Variants in CEP72 observed in about 807,000 individuals in gnomAD.
The protein encoded by CEP72 is centrosomal protein 72.
CEP72 carries 78 observed loss-of-function variants against 65.7 expected under a neutral mutation model. The observed-to-expected ratio is 1.19, with a 90% CI of 0.99 to 1.43. The LOEUF is 1.43. CEP72 is among the 40% of genes most tolerant of loss of function. CEP72 has a pLI of 0.00. For synonymous variants in CEP72, 358 were observed against 351.7 expected, an observed-to-expected ratio of 1.02 and a Z score of -0.20; for missense variants, 914 against 832.9, an observed-to-expected ratio of 1.10 and a Z score of -1.20.
At chr5:654,033 TTGC>T (rs1387335877), downstream of CEP72, among the ~76,000 whole-genome samples, 6 of 136,144 alleles carry the variant, frequency 4.4e-5, no homozygotes, top group Non-Finnish European at 7.9e-5. Flanking sequence ...TAGTGTGCGC[TTGC>T]TGTGTGTGTG....
intron 6 of CEP72, 118 bp from the exon 7 acceptor site, chr5:637,399 C>T (rs1709553): frequency 0.23 from 182,158 of 799,716 alleles, 20,927 homozygotes; most frequent in East Asian, 0.39. Flanking sequence ...TGTAAGTGTG[C>T]GTGTGTGTCC....
rs770604582 is a variant in CEP72 at position 619,110 on chromosome 5, G to C, written c.203G>C (p.Ser68Thr). The change falls in exon 2 of 12, where the codon AGT becomes ACT. Residue 68 changes from serine (S) to threonine (T), a missense_variant. Coordinates refer to ENST00000264935, the MANE Select transcript of CEP72 (RefSeq NM_018140.4). The stretch of plus-strand genomic sequence containing the variant: ...GATCTCTCGCGCAACTCCTTGGTTA[G>C]TCTGGAGGTAAGTTTTAGGTCTCTT... ...SLDLSRNSLV[S>T]LEGIQYLTAL... 6.2e-7 allele frequency: 1 copy of C among 1,611,010 alleles called. No homozygotes were observed. The highest frequency in any genetic ancestry group is 8.5e-7 in the Non-Finnish European group (1 of 1,177,886).
chr5:664,652 G>A (rs576714223), intron 2 of CEP72: 10 of 169,254 alleles, frequency 5.9e-5, no homozygotes, highest in Non-Finnish European at 1.1e-4. Context: ...CACCTCCCAC[G>A]TCCGGTGTGG....
the CEP72 span, among the ~76,000 whole-genome samples, chr5:674,742 C>A: frequency 6.6e-6 from 1 of 151,796 alleles, no homozygotes; most frequent in Non-Finnish European, 1.5e-5. Context: ...CAGGGGATGG[C>A]AGGCTGGTCT....
chr5:649,076 G>A (rs1440367664), intron 11 of CEP72, among the ~76,000 whole-genome samples: 1 of 143,844 alleles, frequency 7.0e-6, no homozygotes, highest in African/African-American at 2.8e-5. Context: ...GGACTGTGAG[G>A]TGTGACTGTG....
downstream of CEP72, among the ~76,000 whole-genome samples, chr5:654,075 C>T (rs886196839): frequency 4.4e-5 from 5 of 113,430 alleles, no homozygotes; most frequent in African/African-American, 7.0e-5. Flanking sequence ...GCTGTGTGTG[C>T]GCCTAGTGTG....
intron 4 of CEP72, 74 bp from the exon 5 acceptor site, chr5:633,695 C>G (rs1399155238): frequency 1.4e-6 from 2 of 1,436,898 alleles, no homozygotes; most frequent in Non-Finnish European, 1.9e-6. Context: ...CAGGAATTTT[C>G]CTTCTCCTGG....
chr5:625,243 C>G (rs929921008), intron 4 of CEP72, among the ~76,000 whole-genome samples: 8 of 152,248 alleles, frequency 5.3e-5, no homozygotes, highest in Non-Finnish European at 1.0e-4. Flanking sequence ...GGGCAGAAAT[C>G]AGTGGACTCT....
downstream of CEP72, among the ~76,000 whole-genome samples, chr5:669,536 C>CCA (rs1358553201): frequency 1.3e-5 from 2 of 152,258 alleles, no homozygotes; most frequent in East Asian, 3.9e-4. Flanking sequence ...TCTTCTATTC[C>CCA]CACCCTGCCC....
downstream of CEP72, among the ~76,000 whole-genome samples, chr5:667,977 CAGAG>C (rs1425324405): frequency 2.1e-5 from 1 of 48,530 alleles, no homozygotes; most frequent in Non-Finnish European, 3.2e-5. Context: ...GACAAGCACA[CAGAG>C]AGGGGGCCGT....
intron 8 of CEP72, among the ~76,000 whole-genome samples, chr5:639,938 G>A (rs1737890948): frequency 6.6e-6 from 1 of 152,222 alleles, no homozygotes; most frequent in African/African-American, 2.4e-5. Context: ...TGCAGTCGCA[G>A]CCCACCTGGA....
At chr5:612,642 C>T (rs1454156457) in intron 1 of CEP72, 199 bp downstream of exon 1, 1 of 984,436 alleles carries the variant, frequency 1.0e-6, no homozygotes, top group Admixed American at 6.2e-5. Flanking sequence ...GGCCCCTGCC[C>T]GCGTTCGGGT....
rs1171734530 is a variant in CEP72, at chr5:647,877, A to G, written c.1739A>G (p.Lys580Arg). The change falls in exon 11 of 12, where the codon AAG becomes AGG. Residue 580 changes from lysine (K) to arginine (R), a missense_variant. Lys to Arg is a conservative substitution (Grantham distance 26). Coordinates refer to ENST00000264935, the MANE Select transcript of CEP72 (RefSeq NM_018140.4). ...ELKQHLEHYDKIQELTQMLQE... is the reference protein window; with the variant it reads ...ELKQHLEHYDRIQELTQMLQE... ...AAGCAGCACCTGGAGCACTACGACA[A>G]GATCCAGGAGCTCACGCAGATGCTG... is the stretch of plus-strand genomic sequence containing the variant. The G allele has an allele frequency of 1.9e-6, 3 of 1,612,662 alleles. No individual in the cohort carries two copies. The highest frequency in any genetic ancestry group is 1.7e-5 in the Admixed American group (1 of 60,014).
chr5:643,879 C>A (rs1004855566), intron 9 of CEP72, among the ~76,000 whole-genome samples: 1 of 152,214 alleles, frequency 6.6e-6, no homozygotes, highest in Non-Finnish European at 1.5e-5. Context: ...AAGGGGGTTC[C>A]TGCAGGGCCA....
downstream of CEP72, among the ~76,000 whole-genome samples, chr5:668,808 G>C (rs1026377677): frequency 6.6e-6 from 1 of 152,254 alleles, no homozygotes; most frequent in African/African-American, 2.4e-5. Context: ...AGACCACAGT[G>C]CTGTGATGTG....
the CEP72 span, chr5:675,927 G>C: frequency 6.6e-6 from 1 of 152,220 alleles, no homozygotes; most frequent in Non-Finnish European, 1.5e-5. Flanking sequence ...AAGCCACAGA[G>C]GAGGTTGGCG....
At chr5:671,565 G>C (rs1021239259), downstream of CEP72, among the ~76,000 whole-genome samples, 1 of 152,246 alleles carries the variant, frequency 6.6e-6, no homozygotes, top group Non-Finnish European at 1.5e-5. Flanking sequence ...GCCAAGCGCA[G>C]GAGACGGGTG....
chr5:664,906 T>G, intron 2 of CEP72: 1 of 612,776 alleles, frequency 1.6e-6, no homozygotes, highest in Non-Finnish European at 2.8e-6. Context: ...GGCCCAAACC[T>G]GGTTTGAGAG....
In CEP72 at chr5:619,042, C is replaced by T. The variant is rs751592218; in HGVS notation, c.135C>T (p.His45=). 6.2e-7 allele frequency: 1 copy of T among 1,612,576 alleles called. No individual in the cohort carries two copies. The highest frequency in any genetic ancestry group is 1.1e-5 in the South Asian group (1 of 91,058). ...IPGTYQEKIT[H]LGHSLMSLTG... ...GAACTTACCAAGAGAAGATCACCCACCTGGGACATTCTCTGATGAGTTTAA... is the reference window on the plus strand; with the variant it reads ...GAACTTACCAAGAGAAGATCACCCATCTGGGACATTCTCTGATGAGTTTAA... The change falls in exon 2 of 12, where the codon CAC becomes CAT. Residue 45 remains histidine (H), a synonymous_variant. Transcript: ENST00000264935.
Sources: allele counts gnomAD v4.1 joint callset (sites outside exome capture counted in the v4.1 genomes callset), GRCh38; gene constraint gnomAD v4.1.1; transcripts MANE v1.5; gene names NCBI Gene and HGNC (gene_info 2026-07-23, HGNC 2026-07-21).